Variants in CACNA1D observed in about 807,000 individuals in gnomAD.
CACNA1D encodes voltage-dependent L-type calcium channel subunit alpha-1D.
CACNA1D carries 55 observed loss-of-function variants against 257.1 expected under a neutral mutation model. The ratio of observed to expected loss-of-function variants is 0.21; its 90% CI spans 0.17 to 0.27. The LOEUF is 0.27. CACNA1D is among the 10% of genes least tolerant of loss of function. CACNA1D has a pLI of 1.00. For missense variants in CACNA1D, 1,876 were observed against 2,784.0 expected, an observed-to-expected ratio of 0.67 and a Z score of 7.34; for synonymous variants, 980 against 1,014.9, an observed-to-expected ratio of 0.97 and a Z score of 0.65.
chr3:53,596,518 T>C (rs2107839880), intron 3 of CACNA1D, among the ~76,000 whole-genome samples: 1 of 152,312 alleles, frequency 6.6e-6, no homozygotes, highest in Middle Eastern at 3.4e-3. Flanking sequence ...GCAGATGTGA[T>C]TAACTTCAGA....
intron 3 of CACNA1D, among the ~76,000 whole-genome samples, chr3:53,568,720 A>G (rs892551522): frequency 1.3e-5 from 2 of 152,178 alleles, no homozygotes; most frequent in Admixed American, 6.5e-5. Context: ...TCTTGTTAAT[A>G]TCTCCCACTT....
chr3:53,736,378 A>G (rs77833380), intron 20 of CACNA1D, among the ~76,000 whole-genome samples: 2,088 of 152,168 alleles, frequency 0.014, 56 homozygotes, highest in African/African-American at 0.047. Context: ...ATGTTAAAAA[A>G]TTTCTTCTCT....
rs573548143 is a variant in CACNA1D at position 53,789,351 on chromosome 3, AT to A, written c.4923+2407del. Reference sequence around the variant, plus strand: ...TGATTCTGAAACATTAAACATAGACATTTTTTTTGTCTCCTTGAAGGATAAT... The same window carrying A: ...TGATTCTGAAACATTAAACATAGACATTTTTTTGTCTCCTTGAAGGATAAT... On this transcript the variant is annotated intron_variant, in intron 40 of 47. Transcript: ENST00000350061. The surrounding 1 kb of genome is among the most constrained non-coding windows in gnomAD (Gnocchi z 4.2). 5.0e-3 allele frequency among the ~76,000 whole-genome samples: 761 copies of A among 152,150 alleles called. 7 individuals carry two copies. Among genetic ancestry groups the A allele is most frequent in the African/African-American group, 0.017 (695 of 41,508 alleles).
chr3:53,638,862 G>A (rs903422716), intron 3 of CACNA1D, among the ~76,000 whole-genome samples: 4 of 152,310 alleles, frequency 2.6e-5, no homozygotes, highest in South Asian at 2.1e-4. Flanking sequence ...ATGGGTCCTC[G>A]GTTTGCTGAG....
chr3:53,608,554 T>G (rs192990151), intron 3 of CACNA1D, among the ~76,000 whole-genome samples: 17 of 152,342 alleles, frequency 1.1e-4, no homozygotes, highest in Admixed American at 7.8e-4. Flanking sequence ...TTGTCTTGTT[T>G]GTGATCTTAG....
chr3:53,746,006 A>G, intron 25 of CACNA1D, 131 bp downstream of exon 25: 1 of 732,338 alleles, frequency 1.4e-6, no homozygotes, highest in South Asian at 1.5e-5. Flanking sequence ...TTGTGGGTAG[A>G]TAGATGGTGT....
At chr3:53,731,577 T>C (rs2094993071) in intron 17 of CACNA1D, among the ~76,000 whole-genome samples, 1 of 152,176 alleles carries the variant, frequency 6.6e-6, no homozygotes, top group African/African-American at 2.4e-5. Flanking sequence ...ACAGCCCTGG[T>C]TGTTTTGTTC....
At chr3:53,653,180 G>A (rs1576241507) in intron 4 of CACNA1D, among the ~76,000 whole-genome samples, 1 of 152,314 alleles carries the variant, frequency 6.6e-6, no homozygotes, top group East Asian at 1.9e-4. Context: ...GAACCTGGGA[G>A]GCAGGGGTTG....
intron 29 of CACNA1D, 53 bp downstream of exon 29, chr3:53,753,735 G>C: frequency 9.7e-7 from 1 of 1,031,006 alleles, no homozygotes; most frequent in Non-Finnish European, 1.5e-6. Flanking sequence ...CCCTAGAGAA[G>C]TACCCGCTTC....
chr3:53,802,107 A>T, intron 42 of CACNA1D, 40 bp from the exon 43 acceptor site: 2 of 1,537,802 alleles, frequency 1.3e-6, no homozygotes, highest in Non-Finnish European at 9.0e-7. Context: ...ATTAACTTTT[A>T]TCTTCTCCCT....
chr3:53,671,880 G>A (rs2094326726), intron 7 of CACNA1D, among the ~76,000 whole-genome samples: 1 of 152,240 alleles, frequency 6.6e-6, no homozygotes, highest in African/African-American at 2.4e-5. Flanking sequence ...GCACCTGCAA[G>A]GCAAGAGCGA....
chr3:53,555,464 T>G (rs140464341), intron 3 of CACNA1D, among the ~76,000 whole-genome samples: 1,554 of 102,346 alleles, frequency 0.015, 16 homozygotes, highest in African/African-American at 0.058. Flanking sequence ...GTGTGTGTTT[T>G]TTTTTTTTTT....
At chr3:53,538,153 T>G (rs1030684519) in intron 3 of CACNA1D, among the ~76,000 whole-genome samples, 1 of 142,362 alleles carries the variant, frequency 7.0e-6, no homozygotes, top group East Asian at 2.0e-4. Context: ...TTTTTTTTTT[T>G]TTTTTTTTTT....
rs548316869 is a variant in CACNA1D at position 53,751,309 on chromosome 3, T to C, written c.3517-440T>C. On this transcript the variant is annotated intron_variant, in intron 27 of 47. Coordinates refer to ENST00000350061, the MANE Select transcript of CACNA1D (RefSeq NM_001128840.3). The surrounding 1 kb of genome is among the most constrained non-coding windows in gnomAD (Gnocchi z 4.3). ...GTTTCTGTGGTTACTTGGCCTCCTT[T>C]CCTGGAGGACAGCACAGGCAGGGGA... Among the ~76,000 whole-genome samples, 2 of 152,216 alleles carry C rather than the reference T, an allele frequency of 1.3e-5. No homozygotes were observed. Among genetic ancestry groups the C allele is most frequent in the Non-Finnish European group, 1.5e-5 (1 of 68,032 alleles).
At chr3:53,662,325 G>A (rs576199643) in intron 5 of CACNA1D, among the ~76,000 whole-genome samples, 2 of 152,206 alleles carry the variant, frequency 1.3e-5, no homozygotes, top group South Asian at 2.1e-4. Context: ...GGCAGGAACC[G>A]AGAACCCACC....
chr3:53,699,915 T>A lies in CACNA1D; in HGVS notation c.1221-2726T>A, dbSNP rs1318454275. Among the ~76,000 whole-genome samples, 13 of 152,018 alleles carry A rather than the reference T, an allele frequency of 8.6e-5. No individual in the cohort carries two copies. The East Asian group carries it at 2.5e-3, about 29-fold the overall frequency. On this transcript the variant is annotated intron_variant, in intron 8 of 47. Coordinates refer to ENST00000350061, the MANE Select transcript of CACNA1D (RefSeq NM_001128840.3). ...AGCAGTGGAAAATGTACAACAGTGATGCAGCTTGTTAGAAATGGGATTTTT... is the reference window on the plus strand; with the variant it reads ...AGCAGTGGAAAATGTACAACAGTGAAGCAGCTTGTTAGAAATGGGATTTTT...
chr3:53,810,191 C>T lies in CACNA1D; in HGVS notation c.6085C>T (p.Pro2029Ser). 6.2e-7 allele frequency: 1 copy of T among 1,614,008 alleles called. No individual in the cohort carries two copies. Among genetic ancestry groups the T allele is most frequent in the Non-Finnish European group, 8.5e-7 (1 of 1,180,040 alleles). The part of the protein sequence containing the change: ...LHRSSWYTDE[P>S]DISYRTFTPA... ...CCGCAGCTCCTGGTACACAGACGAG[C>T]CCGACATCTCCTACCGGACTTTCAC... Residue 2029 changes from proline (P) to serine (S), a missense_variant, in exon 47 of 48, where the codon CCC becomes TCC. Pro to Ser is a moderately conservative substitution (Grantham distance 74, BLOSUM62 -1). This residue lies in a region of CACNA1D where 491 missense variants were observed against 554.3 expected (regional missense o/e 0.89). Coordinates refer to ENST00000350061, the MANE Select transcript of CACNA1D (RefSeq NM_001128840.3).
intron 3 of CACNA1D, among the ~76,000 whole-genome samples, chr3:53,568,848 T>G (rs1284127449): frequency 6.6e-6 from 1 of 152,202 alleles, no homozygotes; most frequent in African/African-American, 2.4e-5. Flanking sequence ...CCTCCTCTCA[T>G]ATTCCTCTTG....
chr3:53,635,896 C>T (rs192257380), intron 3 of CACNA1D, among the ~76,000 whole-genome samples: 145 of 152,274 alleles, frequency 9.5e-4, no homozygotes, highest in African/African-American at 3.3e-3. Context: ...ACTCGCTGCC[C>T]GACCCTGCCT....
Sources: allele counts gnomAD v4.1 joint callset (sites outside exome capture counted in the v4.1 genomes callset), GRCh38; gene constraint gnomAD v4.1.1; regional missense constraint gnomAD v4.1.1; non-coding constraint Gnocchi (gnomAD v3.1); transcripts MANE v1.5; gene names NCBI Gene and HGNC (gene_info 2026-07-23, HGNC 2026-07-21).